The following CCDC88A variants were observed in gnomAD, a reference collection of about 807,000 sequenced individuals.
CCDC88A encodes the protein girdin.
CCDC88A carries 54 observed loss-of-function variants against 234.3 expected under a neutral mutation model. The ratio of observed to expected loss-of-function variants is 0.23; its 90% CI spans 0.19 to 0.29. CCDC88A has a LOEUF of 0.29. Among genes scored for constraint, CCDC88A ranks in the 10% least tolerant of loss-of-function variants. CCDC88A has a pLI of 1.00. For synonymous variants in CCDC88A, 753 were observed against 737.8 expected, an observed-to-expected ratio of 1.02 and a Z score of -0.33; for missense variants, 1,832 against 2,123.4, an observed-to-expected ratio of 0.86 and a Z score of 2.70.
chr2:55,288,635 A>C lies in CCDC88A; in HGVS notation c.*2565T>G, dbSNP rs934538301. 1 of 152,644 alleles carries C rather than the reference A, an allele frequency of 6.6e-6. No individual in the cohort carries two copies. The highest frequency in any genetic ancestry group is 1.5e-5 in the Non-Finnish European group (1 of 68,032). The allele number at this position is 152,644 out of a possible 1,614,324, so 9.5% of individuals were successfully genotyped here. ...TTTTGTGAACTCTTTGGTAACCACC[A>C]ATTTAAAAATTTGGATGAAAGCATT... is the stretch of plus-strand genomic sequence containing the variant. On this transcript the variant is annotated 3_prime_UTR_variant, in exon 33 of 33. Transcript: ENST00000436346.
At chr2:55,362,530 C>T in intron 6 of CCDC88A, 82 bp from the exon 7 acceptor site, 1 of 1,166,670 alleles carries the variant, frequency 8.6e-7, no homozygotes. Flanking sequence ...AATATTAGCC[C>T]AAGTATTATA....
chr2:55,315,443 C>G (rs1682868161), intron 22 of CCDC88A: 1 of 152,264 alleles, frequency 6.6e-6, no homozygotes, highest in Non-Finnish European at 1.5e-5. Flanking sequence ...AGAGTCCTAA[C>G]AAGGTTGTTT....
intron 26 of CCDC88A, chr2:55,302,827 G>A (rs1188127159): frequency 1.4e-5 from 4 of 285,200 alleles, no homozygotes; most frequent in Non-Finnish European, 2.0e-5. Context: ...GAAAGCACTG[G>A]AAATTTACGA....
chr2:55,306,523 G>A (rs1007189543), intron 25 of CCDC88A, among the ~76,000 whole-genome samples: 19 of 151,994 alleles, frequency 1.3e-4, no homozygotes, highest in Non-Finnish European at 2.4e-4. Flanking sequence ...GACTTTTTAC[G>A]TTGCTTACCT....
intron 11 of CCDC88A, 114 bp downstream of exon 11, chr2:55,344,254 C>T (rs1668839123): frequency 1.7e-6 from 1 of 599,356 alleles, no homozygotes; most frequent in Non-Finnish European, 2.7e-6. Context: ...TTAGCTCTCT[C>T]TTCTCTGTTA....
At chr2:55,400,756 A>C (rs951725044) in intron 2 of CCDC88A, among the ~76,000 whole-genome samples, 2 of 152,218 alleles carry the variant, frequency 1.3e-5, no homozygotes, top group Non-Finnish European at 2.9e-5. Flanking sequence ...TCCAGAATGT[A>C]AACCTGTTGT....
intron 13 of CCDC88A, chr2:55,338,878 T>C (rs529426599): frequency 2.6e-4 from 39 of 152,236 alleles, no homozygotes; most frequent in African/African-American, 9.1e-4. Flanking sequence ...ACTCACTCAC[T>C]AGTTCTCTCA....
Position 55,301,801 on chromosome 2 carries a change from C to T in CCDC88A, c.4672+71G>A, listed in dbSNP as rs904419470. 2.6e-5 allele frequency: 35 copies of T among 1,323,724 alleles called. No individual in the cohort carries two copies. The African/African-American group carries it at 4.9e-4, about 19-fold the overall frequency. The allele number at this position is 1,323,724 out of a possible 1,614,324, so 82.0% of individuals were successfully genotyped here. On this transcript the variant is annotated intron_variant, in intron 27 of 32. Transcript: ENST00000436346. ...AGGTTGCTGCTTTTTAAAAAGTACA[C>T]AGGGAAAAGTCAAATTAAAATTCTT...
Position 55,373,177 on chromosome 2 carries a change from C to G in CCDC88A, c.344-667G>C, listed in dbSNP as rs138861938. On this transcript the variant is annotated intron_variant, in intron 4 of 32. Coordinates refer to ENST00000436346, the MANE Select transcript of CCDC88A (RefSeq NM_001365480.1). ...ACTTCTTTGGGCCAGATTTTCACCA[C>G]TGGGCCAATCTGTCTATGAAAAAGT... Among the ~76,000 whole-genome samples, 331 of 152,296 alleles carry G rather than the reference C, an allele frequency of 2.2e-3. 2 individuals carry two copies. Among genetic ancestry groups the G allele is most frequent in the African/African-American group, 7.8e-3 (324 of 41,570 alleles).
rs1299514217 is a variant in CCDC88A at position 55,291,735 on chromosome 2, C to T, written c.5592G>A (p.Arg1864=). The T allele has an allele frequency of 2.5e-6, 4 of 1,612,390 alleles. No individual in the cohort carries two copies. The highest frequency in any genetic ancestry group is 4.5e-5 in the East Asian group (2 of 44,780). Residue 1864 remains arginine, a synonymous_variant, in exon 32 of 33, where the codon AGG becomes AGA. Coordinates refer to ENST00000436346, the MANE Select transcript of CCDC88A (RefSeq NM_001365480.1). ...KVQESRNSKS[R]SREQQSS is the part of the protein sequence containing the mutation. Reference sequence around the variant, plus strand: ...ATTAGGAGCTTTGTTGCTCCCTAGACCTGCTTTTTGAATTTCTGCTTTCTT... The same window carrying T: ...ATTAGGAGCTTTGTTGCTCCCTAGATCTGCTTTTTGAATTTCTGCTTTCTT...
chr2:55,366,952 A>G (rs766768650), intron 5 of CCDC88A, among the ~76,000 whole-genome samples: 2 of 152,204 alleles, frequency 1.3e-5, no homozygotes, highest in Non-Finnish European at 2.9e-5. Context: ...ACATTTGTAC[A>G]CTCATGTTCA....
intron 8 of CCDC88A, among the ~76,000 whole-genome samples, chr2:55,352,723 C>A (rs1670049302): frequency 2.0e-5 from 3 of 151,982 alleles, no homozygotes; most frequent in Admixed American, 2.0e-4. Context: ...TTAAAAATTA[C>A]TTTTTTCACT....
chr2:55,319,431 C>T (rs1683354110), intron 18 of CCDC88A, among the ~76,000 whole-genome samples: 1 of 152,094 alleles, frequency 6.6e-6, no homozygotes, highest in Non-Finnish European at 1.5e-5. Context: ...AAATATATAC[C>T]TAAGTGAGTA....
At chr2:55,298,889 A>C (rs913627425) in intron 29 of CCDC88A, among the ~76,000 whole-genome samples, 7 of 151,476 alleles carry the variant, frequency 4.6e-5, no homozygotes, top group South Asian at 4.2e-4. Flanking sequence ...AAAAAAAAAA[A>C]AAAACACAAA....
intron 29 of CCDC88A, chr2:55,297,287 ATATATAATT>A (rs1467527442): frequency 1.9e-5 from 2 of 108,074 alleles, no homozygotes; most frequent in African/African-American, 3.5e-5. Context: ...TATATATAAT[ATATATAATT>A]TATATATAAT....
At chr2:55,352,929 G>C (rs377642423) in intron 8 of CCDC88A, among the ~76,000 whole-genome samples, 138 of 152,198 alleles carry the variant, frequency 9.1e-4, no homozygotes, top group African/African-American at 3.1e-3. Flanking sequence ...CACTTTAGTA[G>C]AGATCTGTCC....
intron 3 of CCDC88A, among the ~76,000 whole-genome samples, chr2:55,377,300 C>A (rs1461137059): frequency 6.7e-6 from 1 of 149,104 alleles, no homozygotes; most frequent in Non-Finnish European, 1.5e-5. Flanking sequence ...CAGGCTCAAG[C>A]AATCCTCCTG....
chr2:55,295,750 C>A lies in CCDC88A; in HGVS notation c.5398G>T (p.Ala1800Ser). The A allele has an allele frequency of 6.2e-7, 1 of 1,614,172 alleles. No individual in the cohort carries two copies. Among genetic ancestry groups the A allele is most frequent in the Non-Finnish European group, 8.5e-7 (1 of 1,180,026 alleles). ...ACGCTGCTTGCACGAGGTAAAGTTG[C>A]ATAAGGGTTACTATCTTTTGATTGT... ...SRQSKDSNPY[A>S]TLPRASSVIS... is the part of the protein sequence containing the mutation. The change falls in exon 31 of 33, where the codon GCA becomes TCA. Residue 1800 changes from alanine to serine, a missense_variant. This residue lies in a region of CCDC88A where 422 missense variants were observed against 416.5 expected (regional missense o/e 1.01). Coordinates refer to ENST00000436346, the MANE Select transcript of CCDC88A (RefSeq NM_001365480.1).
intron 2 of CCDC88A, chr2:55,404,325 A>C (rs1389751490): frequency 6.6e-6 from 1 of 152,206 alleles, no homozygotes; most frequent in Admixed American, 6.5e-5. Context: ...CTAATTTTTT[A>C]AAAAGTCCCC....
Sources: allele counts gnomAD v4.1 joint callset (sites outside exome capture counted in the v4.1 genomes callset), GRCh38; gene constraint gnomAD v4.1.1; regional missense constraint gnomAD v4.1.1; transcripts MANE v1.5; gene names NCBI Gene and HGNC (gene_info 2026-07-23, HGNC 2026-07-21).